The following LYN variants were observed in gnomAD, a reference collection of about 807,000 sequenced individuals.
LYN encodes tyrosine-protein kinase Lyn.
A neutral mutation model predicts 65.0 loss-of-function variants in LYN; 12 were observed. The ratio of observed to expected loss-of-function variants is 0.18; its 90% CI spans 0.12 to 0.30. The LOEUF is 0.30. Ranked by LOEUF, LYN falls within the 10% of genes least tolerant of loss-of-function variation. The pLI is 1.00. For synonymous variants in LYN, 222 were observed against 221.2 expected (o/e 1.00, Z -0.03); for missense variants, 380 against 623.2 (o/e 0.61, Z 4.16).
chr8:55,931,193 C>T (rs1806261296), intron 1 of LYN, among the ~76,000 whole-genome samples: 2 of 146,206 alleles, frequency 1.4e-5, no homozygotes, highest in Non-Finnish European at 3.0e-5. Context: ...TAATATGTAA[C>T]TCGTACATAG....
At chr8:55,882,531 A>G (rs994738978) in intron 1 of LYN, among the ~76,000 whole-genome samples, 5 of 152,236 alleles carry the variant, frequency 3.3e-5, no homozygotes, top group African/African-American at 1.2e-4. Flanking sequence ...GAACATTGTT[A>G]TAAGCTCACT....
At chr8:55,889,400 G>A (rs970297891) in intron 1 of LYN, among the ~76,000 whole-genome samples, 5 of 152,186 alleles carry the variant, frequency 3.3e-5, no homozygotes, top group African/African-American at 1.2e-4. Context: ...ATGGGGTTTG[G>A]CCATGTTGGC....
intron 1 of LYN, among the ~76,000 whole-genome samples, chr8:55,880,495 C>G (rs1000739910): frequency 6.6e-6 from 1 of 152,142 alleles, no homozygotes; most frequent in Non-Finnish European, 1.5e-5. Context: ...AAGCCGCTGC[C>G]CTTGCGGAGC....
chr8:55,948,940 A>G (rs1806860824), intron 4 of LYN, among the ~76,000 whole-genome samples: 1 of 152,178 alleles, frequency 6.6e-6, no homozygotes, highest in Non-Finnish European at 1.5e-5. Context: ...TTCATGCCTT[A>G]CAGACAAGGA....
rs186640347 is a variant in LYN, at chr8:55,970,815, A to G, written c.1050+1022A>G. 1.2e-3 allele frequency among the ~76,000 whole-genome samples: 185 copies of G among 152,306 alleles called. 2 individuals carry two copies. Among genetic ancestry groups the G allele is most frequent in the South Asian group, 1.4e-3 (7 of 4,830 alleles). On this transcript the variant is annotated intron_variant, in intron 10 of 12. Coordinates refer to ENST00000519728, the MANE Select transcript of LYN (RefSeq NM_002350.4). The stretch of plus-strand genomic sequence containing the variant: ...GTTTGTGTTCTGGCTCTGCCACTCG[A>G]TAGCTATACCGCTTCCATTTCAGAA...
At chr8:55,933,562 A>T (rs1337436846) in intron 1 of LYN, among the ~76,000 whole-genome samples, 1 of 152,238 alleles carries the variant, frequency 6.6e-6, no homozygotes, top group Non-Finnish European at 1.5e-5. Flanking sequence ...TGTATCACTT[A>T]TCCTCTCATG....
At chr8:55,972,598 A>G (rs1316259032) in intron 10 of LYN, among the ~76,000 whole-genome samples, 1 of 151,630 alleles carries the variant, frequency 6.6e-6, no homozygotes, top group Non-Finnish European at 1.5e-5. Flanking sequence ...TCCTTCACAC[A>G]CCTTTCTGAA....
At chr8:55,882,418 A>G (rs1263004421) in intron 1 of LYN, among the ~76,000 whole-genome samples, 1 of 152,204 alleles carries the variant, frequency 6.6e-6, no homozygotes, top group African/African-American at 2.4e-5. Flanking sequence ...GGTTCACATG[A>G]CTATGTGGAG....
chr8:55,904,656 A>G (rs1164042446), intron 1 of LYN, among the ~76,000 whole-genome samples: 1 of 152,132 alleles, frequency 6.6e-6, no homozygotes, highest in Non-Finnish European at 1.5e-5. Flanking sequence ...AGGCTGAGGC[A>G]GGAGAATTGC....
intron 4 of LYN, 38 bp from the exon 5 acceptor site, chr8:55,950,421 A>G (rs777860372): frequency 7.2e-7 from 1 of 1,392,260 alleles, no homozygotes; most frequent in Non-Finnish European, 1.0e-6. Context: ...GGAGTATGTA[A>G]TCTTTTAGCT....
chr8:55,986,308 T>G (rs769881588), intron 10 of LYN, among the ~76,000 whole-genome samples: 1 of 152,094 alleles, frequency 6.6e-6, no homozygotes. Context: ...GTGTGTGAGA[T>G]TTCCAGTTTC....
intron 1 of LYN, among the ~76,000 whole-genome samples, chr8:55,927,567 G>A (rs917913339): frequency 2.0e-5 from 3 of 152,170 alleles, no homozygotes; most frequent in African/African-American, 7.2e-5. Flanking sequence ...AGGTGCGGTG[G>A]TTCACGTCTG....
At chr8:55,930,943 G>C (rs1461307439) in intron 1 of LYN, among the ~76,000 whole-genome samples, 1 of 152,034 alleles carries the variant, frequency 6.6e-6, no homozygotes, top group African/African-American at 2.4e-5. Context: ...GAGCCCCCAT[G>C]CATGGCTACT....
chr8:55,985,751 T>C (rs1808056686), intron 10 of LYN, among the ~76,000 whole-genome samples: 1 of 152,164 alleles, frequency 6.6e-6, no homozygotes, highest in Non-Finnish European at 1.5e-5. Flanking sequence ...GCAAGGACTG[T>C]TTAGTGGACC....
chr8:55,999,778 A>G (rs537959154), intron 12 of LYN, among the ~76,000 whole-genome samples: 3 of 152,118 alleles, frequency 2.0e-5, no homozygotes, highest in South Asian at 2.1e-4. Context: ...TGGAGACCAG[A>G]CTGACCAACA....
At chr8:55,905,843 G>T (rs1805404425) in intron 1 of LYN, among the ~76,000 whole-genome samples, 1 of 152,146 alleles carries the variant, frequency 6.6e-6, no homozygotes, top group Non-Finnish European at 1.5e-5. Flanking sequence ...GGCCTGGAGT[G>T]TCTCCCATGC....
chr8:55,885,184 A>C (rs748813566), intron 1 of LYN, among the ~76,000 whole-genome samples: 1 of 152,226 alleles, frequency 6.6e-6, no homozygotes, highest in Non-Finnish European at 1.5e-5. Flanking sequence ...GAATGCTGCT[A>C]CTTAAATGAC....
chr8:55,962,359 G>A (rs1369365652), intron 8 of LYN, among the ~76,000 whole-genome samples: 2 of 151,948 alleles, frequency 1.3e-5, no homozygotes, highest in African/African-American at 4.8e-5. Context: ...ATGCATCTGT[G>A]CTTTTGCGTG....
intron 4 of LYN, among the ~76,000 whole-genome samples, chr8:55,948,630 A>G (rs1475445788): frequency 2.0e-5 from 3 of 152,190 alleles, no homozygotes; most frequent in Non-Finnish European, 4.4e-5. Context: ...TCTTGCATTA[A>G]ATGTCACTGT....
Sources: allele counts gnomAD v4.1 joint callset (sites outside exome capture counted in the v4.1 genomes callset), GRCh38; gene constraint gnomAD v4.1.1; transcripts MANE v1.5; gene names NCBI Gene and HGNC (gene_info 2026-07-23, HGNC 2026-07-21).